NRXN1: variants seen among roughly 807,000 people sequenced by gnomAD.
NRXN1 encodes the protein neurexin 1.
A neutral mutation model predicts 150.9 loss-of-function variants in NRXN1; 39 were observed. That is an observed-to-expected ratio of 0.26 (90% confidence interval 0.20 to 0.34). The LOEUF is 0.34. Among genes scored for constraint, NRXN1 ranks in the 10% least tolerant of loss-of-function variants. The pLI is 1.00. For missense variants in NRXN1, 1,815 were observed against 1,949.9 expected, an observed-to-expected ratio of 0.93 and a Z score of 1.30; for synonymous variants, 924 against 757.0, an observed-to-expected ratio of 1.22 and a Z score of -3.62.
chr2:50,079,239 C>T (rs12613363), intron 19 of NRXN1, among the ~76,000 whole-genome samples: 48,816 of 151,766 alleles, frequency 0.32, 8,669 homozygotes, highest in African/African-American at 0.44. Context: ...TTCGGATTAG[C>T]TCTTACGCTC....
At chr2:50,498,562 A>C (rs1312835037) in intron 13 of NRXN1, among the ~76,000 whole-genome samples, 1 of 151,974 alleles carries the variant, frequency 6.6e-6, no homozygotes, top group Non-Finnish European at 1.5e-5. Context: ...TGACTATTCC[A>C]CTCAGTCCTC....
At chr2:51,005,517 A>T (rs1307323585) in intron 2 of NRXN1, among the ~76,000 whole-genome samples, 1 of 152,022 alleles carries the variant, frequency 6.6e-6, no homozygotes, top group Non-Finnish European at 1.5e-5. Flanking sequence ...GGGATTCATC[A>T]CCATGAGAAT....
At position 50,982,511 on chromosome 2, in the gene NRXN1, C is replaced by T. The variant is rs370098838; in HGVS notation, c.772+44991G>A. 4.6e-5 allele frequency among the ~76,000 whole-genome samples: 7 copies of T among 152,116 alleles called. No homozygotes were observed. In the South Asian group the frequency reaches 8.3e-4, roughly 18 times the overall value. ...CCTGTTCATATTACTAACATTAACACAGCATATTACATATAGAAGGTGATT... is the reference window on the plus strand; with the variant it reads ...CCTGTTCATATTACTAACATTAACATAGCATATTACATATAGAAGGTGATT... On this transcript the variant is annotated intron_variant, in intron 2 of 22. Transcript: ENST00000401669.
intron 18 of NRXN1, among the ~76,000 whole-genome samples, chr2:50,227,293 C>A (rs2064484632): frequency 6.6e-6 from 1 of 152,032 alleles, no homozygotes; most frequent in East Asian, 1.9e-4. Flanking sequence ...AAATTAGTTT[C>A]TCTTCATATG....
chr2:50,171,848 T>C (rs1345254828), intron 18 of NRXN1, among the ~76,000 whole-genome samples: 2 of 152,198 alleles, frequency 1.3e-5, no homozygotes, highest in Admixed American at 1.3e-4. Context: ...CCTCCAGCTC[T>C]AGATTTATTT....
chr2:50,289,009 T>C (rs2072560298), intron 17 of NRXN1, among the ~76,000 whole-genome samples: 2 of 152,158 alleles, frequency 1.3e-5, no homozygotes. Flanking sequence ...GTGAGGAATC[T>C]AGGGCAATTC....
At chr2:50,675,397 T>A (rs529688274) in intron 5 of NRXN1, among the ~76,000 whole-genome samples, 1 of 152,314 alleles carries the variant, frequency 6.6e-6, no homozygotes, top group East Asian at 1.9e-4. Flanking sequence ...ATTTCGAGAA[T>A]GACTTAATTC....
At chr2:50,290,904 C>T (rs1254208841) in intron 17 of NRXN1, among the ~76,000 whole-genome samples, 1 of 152,174 alleles carries the variant, frequency 6.6e-6, no homozygotes, top group Non-Finnish European at 1.5e-5. Flanking sequence ...TCAAATGCGA[C>T]TGGCAAAGGA....
At chr2:50,915,866 T>G (rs1685146544) in intron 5 of NRXN1, among the ~76,000 whole-genome samples, 1 of 150,702 alleles carries the variant, frequency 6.6e-6, no homozygotes, top group African/African-American at 2.4e-5. Flanking sequence ...GTATTTTTAT[T>G]AATCCATATT....
At chr2:50,907,358 A>T (rs952465717) in intron 5 of NRXN1, among the ~76,000 whole-genome samples, 1 of 152,074 alleles carries the variant, frequency 6.6e-6, no homozygotes, top group African/African-American at 2.4e-5. Flanking sequence ...TTCAACTCTG[A>T]AAGTGCCTGT....
intron 5 of NRXN1, among the ~76,000 whole-genome samples, chr2:50,686,504 AG>A (rs2104840504): frequency 6.6e-6 from 1 of 152,308 alleles, no homozygotes; most frequent in Non-Finnish European, 1.5e-5. Flanking sequence ...TTCTTGTTTC[AG>A]GCCTTCTGCC....
At chr2:50,551,884 T>C (rs1332297743) in intron 9 of NRXN1, among the ~76,000 whole-genome samples, 1 of 152,032 alleles carries the variant, frequency 6.6e-6, no homozygotes, top group Non-Finnish European at 1.5e-5. Context: ...TCAAAGCTCA[T>C]ATTAGTCAAC....
chr2:50,662,994 G>C (rs1345755152), intron 5 of NRXN1, among the ~76,000 whole-genome samples: 3 of 152,016 alleles, frequency 2.0e-5, no homozygotes, highest in Admixed American at 2.0e-4. Flanking sequence ...CAAACACACA[G>C]ATGATTCTGA....
chr2:50,052,634 G>C (rs947367574), intron 21 of NRXN1, among the ~76,000 whole-genome samples: 1 of 152,042 alleles, frequency 6.6e-6, no homozygotes, highest in Admixed American at 6.6e-5. Context: ...GCACAAGATT[G>C]AAATAAGCTA....
intron 17 of NRXN1, among the ~76,000 whole-genome samples, chr2:50,371,189 T>C (rs12465806): frequency 0.57 from 85,944 of 151,784 alleles, 26,566 homozygotes; most frequent in East Asian, 0.92. Context: ...AAGGGCATTC[T>C]TTAACTTCCA....
chr2:50,662,560 T>C (rs1371173678), intron 5 of NRXN1, among the ~76,000 whole-genome samples: 2 of 151,394 alleles, frequency 1.3e-5, no homozygotes, highest in African/African-American at 4.8e-5. Flanking sequence ...TTGTAAACTT[T>C]CTTAAAACAC....
At chr2:50,141,705 G>A (rs1192834899) in intron 18 of NRXN1, among the ~76,000 whole-genome samples, 1 of 151,958 alleles carries the variant, frequency 6.6e-6, no homozygotes, top group Non-Finnish European at 1.5e-5. Flanking sequence ...ATATGAAAAA[G>A]TGTTCAATAT....
At chr2:50,826,538 T>A (rs1317705164) in intron 5 of NRXN1, among the ~76,000 whole-genome samples, 1 of 152,180 alleles carries the variant, frequency 6.6e-6, no homozygotes, top group Non-Finnish European at 1.5e-5. Context: ...AAGACCCATA[T>A]AAATTCGGGA....
chr2:51,002,591 T>C (rs1006935583), intron 2 of NRXN1, among the ~76,000 whole-genome samples: 1 of 151,918 alleles, frequency 6.6e-6, no homozygotes, highest in South Asian at 2.1e-4. Flanking sequence ...TCTATGTACC[T>C]AGGAAGGAAG....
Sources: allele counts gnomAD v4.1 joint callset (sites outside exome capture counted in the v4.1 genomes callset), GRCh38; gene constraint gnomAD v4.1.1; transcripts MANE v1.5; gene names NCBI Gene and HGNC (gene_info 2026-07-23, HGNC 2026-07-21).